CLTCL1: variants seen among roughly 807,000 people sequenced by gnomAD.
CLTCL1 encodes the protein clathrin heavy chain 2.
In CLTCL1, 159 loss-of-function variants were observed where a neutral mutation model predicts 190.0. That is an observed-to-expected ratio of 0.84 (90% CI 0.74 to 0.95). The LOEUF (loss-of-function observed/expected upper bound fraction) is 0.95, where lower values mean the gene tolerates loss of function less well. CLTCL1 is among the 40% of genes least tolerant of loss of function. The probability of loss-of-function intolerance (pLI) is 0.00; values close to 1 mark genes in which losing one functional copy is unlikely to be tolerated. For synonymous variants in CLTCL1, 752 were observed against 769.6 expected (o/e 0.98, Z 0.38); for missense variants, 1,878 against 2,033.4 (o/e 0.92, Z 1.47).
chr22:19,217,615 C>CAAAAAAAAAAAA (rs71184793), intron 18 of CLTCL1, among the ~76,000 whole-genome samples: 54 of 34,762 alleles, frequency 1.6e-3, no homozygotes, highest in Non-Finnish European at 2.6e-3. Flanking sequence ...GACTCTGTCT[C>CAAAAAAAAAAAA]AAAAAAAAAA....
chr22:19,225,734 A>C, intron 12 of CLTCL1, 101 bp from the exon 13 acceptor site: 1 of 1,098,708 alleles, frequency 9.1e-7, no homozygotes, highest in East Asian at 2.6e-5. Context: ...TGAGTGTCAA[A>C]AATACAGAGA....
In CLTCL1 at chr22:19,208,903, GGA is replaced by G. The variant is rs2085132811; in HGVS notation, c.3442+17_3442+18del. The G allele has an allele frequency of 6.3e-7, 1 of 1,586,216 alleles. No homozygotes were observed. On this transcript the variant is annotated intron_variant, in intron 21 of 32. Transcript: ENST00000427926. ...GCATCAGTGAGATGCAGAGCCCTAG[GGA>G]GAGGGGACTCACTTACTGCTCCTGC...
At position 19,239,404 on chromosome 22, in the gene CLTCL1, T is replaced by A; in HGVS notation, c.682-16A>T. 1 of 1,604,550 alleles carries A rather than the reference T, an allele frequency of 6.2e-7. No individual in the cohort carries two copies. Among genetic ancestry groups the A allele is most frequent in the Non-Finnish European group, 8.5e-7 (1 of 1,171,254 alleles). The stretch of plus-strand genomic sequence containing the variant: ...TGATGTGCAACTAGAAGAGAGATTT[T>A]AGGTCAATCAAGGGGACCGCCTGTG... On this transcript the variant is annotated splice_polypyrimidine_tract_variant and intron_variant, in intron 4 of 32. Coordinates refer to ENST00000427926, the MANE Select transcript of CLTCL1 (RefSeq NM_007098.4).
Position 19,187,996 on chromosome 22 carries a change from C to T in CLTCL1, c.4419G>A (p.Glu1473=). ...GCACACCCACCTGATAGTCCTCCTC[C>T]TCTGTCAGCAGGTGGTTGAGTGCCT... ...VNEALNHLLT[E]EEDYQGLRAS... is the part of the protein sequence containing the mutation. Residue 1473 remains glutamate (E), a synonymous_variant, in exon 28 of 33, where the codon GAG becomes GAA. Transcript: ENST00000427926. 2 of 1,613,962 alleles carry T rather than the reference C, an allele frequency of 1.2e-6. No individual in the cohort carries two copies. Among genetic ancestry groups the T allele is most frequent in the Non-Finnish European group, 1.7e-6 (2 of 1,179,822 alleles).
intron 22 of CLTCL1, among the ~76,000 whole-genome samples, chr22:19,207,010 A>ATTTTTTTTTT (rs781980213): frequency 1.3e-4 from 12 of 92,784 alleles, no homozygotes; most frequent in Admixed American, 2.9e-4. Flanking sequence ...TAAACTACTA[A>ATTTTTTTTTT]TTTTTTTTTT....
chr22:19,209,209 T>C (rs1185308135), intron 20 of CLTCL1, 95 bp from the exon 21 acceptor site: 10 of 1,114,122 alleles, frequency 9.0e-6, no homozygotes, highest in Non-Finnish European at 1.3e-5. Context: ...TGCCTAAAGC[T>C]GCATGACCAT....
intron 11 of CLTCL1, among the ~76,000 whole-genome samples, chr22:19,229,603 A>G (rs537548646): frequency 6.6e-6 from 1 of 152,248 alleles, no homozygotes; most frequent in Non-Finnish European, 1.5e-5. Context: ...ACCACAATGA[A>G]AAAAAGAAGA....
chr22:19,196,452 T>A, intron 25 of CLTCL1, 37 bp from the exon 26 acceptor site: 1 of 1,613,708 alleles, frequency 6.2e-7, no homozygotes, highest in Admixed American at 1.7e-5. Context: ...GTGCTGCACG[T>A]GGCCACGGCT....
At chr22:19,254,489 G>A (rs1555971622) in intron 2 of CLTCL1, among the ~76,000 whole-genome samples, 1 of 152,158 alleles carries the variant, frequency 6.6e-6, no homozygotes, top group Non-Finnish European at 1.5e-5. Flanking sequence ...GAATAACAAT[G>A]AGAAATTAGT....
intron 28 of CLTCL1, 51 bp downstream of exon 28, chr22:19,187,930 C>T: frequency 6.4e-7 from 1 of 1,551,914 alleles, no homozygotes; most frequent in Non-Finnish European, 8.9e-7. Flanking sequence ...ATGGCAGTTG[C>T]AGGGGAGGAG....
chr22:19,215,965 G>C (rs1601544923), intron 19 of CLTCL1, 146 bp downstream of exon 19: 1 of 673,948 alleles, frequency 1.5e-6, no homozygotes, highest in East Asian at 2.8e-5. Context: ...TGAGGTAGAG[G>C]AGGTGGTAAG....
At chr22:19,226,151 C>T in intron 12 of CLTCL1, 68 bp downstream of exon 12, 1 of 1,532,054 alleles carries the variant, frequency 6.5e-7, no homozygotes, top group Non-Finnish European at 8.9e-7. Context: ...CAGGTGAACA[C>T]TGGGGAGCAT....
chr22:19,282,645 A>G (rs1282434538), intron 1 of CLTCL1, among the ~76,000 whole-genome samples: 3 of 152,032 alleles, frequency 2.0e-5, no homozygotes, highest in Admixed American at 6.5e-5. Flanking sequence ...AAAAAAAGAA[A>G]AAGAAAAAGA....
intron 32 of CLTCL1, 43 bp downstream of exon 32, chr22:19,180,156 G>A: frequency 6.4e-7 from 1 of 1,562,126 alleles, no homozygotes; most frequent in South Asian, 1.1e-5. Context: ...CAGAGAACCT[G>A]GCCTGGCTAG....
intron 27 of CLTCL1, among the ~76,000 whole-genome samples, chr22:19,190,021 A>C (rs2084439379): frequency 6.6e-6 from 1 of 152,084 alleles, no homozygotes; most frequent in South Asian, 2.1e-4. Flanking sequence ...ATCTCGGCTC[A>C]CTGCAACCTC....
intron 11 of CLTCL1, among the ~76,000 whole-genome samples, chr22:19,227,590 G>A (rs1194649018): frequency 1.3e-5 from 2 of 152,014 alleles, no homozygotes; most frequent in African/African-American, 4.8e-5. Flanking sequence ...AAGTAGCTGG[G>A]ACTACAGGCA....
At chr22:19,259,617 A>G (rs2086879216) in intron 2 of CLTCL1, among the ~76,000 whole-genome samples, 1 of 152,190 alleles carries the variant, frequency 6.6e-6, no homozygotes, top group South Asian at 2.1e-4. Flanking sequence ...TTGTGTCACC[A>G]TGAACCACAC....
rs781889400 is a variant in CLTCL1, at chr22:19,275,822, GT to G, written c.50del (p.Asn17ThrfsTer14). 6 of 1,595,106 alleles carry G rather than the reference GT, an allele frequency of 3.8e-6. No individual in the cohort carries two copies. The highest frequency in any genetic ancestry group is 5.1e-6 in the Non-Finnish European group (6 of 1,170,474). On this transcript the variant is annotated frameshift_variant, in exon 2 of 33. Coordinates refer to ENST00000427926, the MANE Select transcript of CLTCL1 (RefSeq NM_007098.4). LOFTEE classifies it high-confidence loss of function. ...CAATGTTAGCTGGATTAATTCCAAG[GT>G]TTTGGAGCTAAACAGAAAAAAAGCA... ...VRFQEHFQLQ[N>X]LGINPANIGF... is the part of the protein sequence containing the mutation.
chr22:19,233,715 T>C, intron 7 of CLTCL1, 93 bp from the exon 8 acceptor site: 1 of 1,145,988 alleles, frequency 8.7e-7, no homozygotes, highest in South Asian at 1.5e-5. Context: ...AATCTGCCAG[T>C]GGAAATTCCA....
Sources: allele counts gnomAD v4.1 joint callset (sites outside exome capture counted in the v4.1 genomes callset), GRCh38; gene constraint gnomAD v4.1.1; transcripts MANE v1.5; gene names NCBI Gene and HGNC (gene_info 2026-07-23, HGNC 2026-07-21).